CBLN2: variants seen among roughly 807,000 people sequenced by gnomAD.
The protein encoded by CBLN2 is cerebellin-2.
CBLN2 carries 7 observed loss-of-function variants against 15.0 expected under a neutral mutation model. That is an observed-to-expected ratio of 0.47 (90% CI 0.27 to 0.88). The LOEUF is 0.88. Ranked by LOEUF, CBLN2 falls within the 40% of genes least tolerant of loss-of-function variation. The probability of loss-of-function intolerance (pLI) is 0.14; values close to 1 mark genes in which losing one functional copy is unlikely to be tolerated. For missense variants in CBLN2, 242 were observed against 304.5 expected (o/e 0.79, Z 1.53); for synonymous variants, 149 against 135.2 (o/e 1.10, Z -0.71).
intron 1 of CBLN2, among the ~76,000 whole-genome samples, chr18:72,570,450 G>A (rs561365353): frequency 3.3e-4 from 48 of 144,808 alleles, no homozygotes; most frequent in Non-Finnish European, 4.8e-4. Context: ...GTTTCACCAC[G>A]TTGCCCAGGC....
At chr18:72,556,719 C>G (rs547737974) in intron 1 of CBLN2, among the ~76,000 whole-genome samples, 1 of 152,096 alleles carries the variant, frequency 6.6e-6, no homozygotes, top group African/African-American at 2.4e-5. Flanking sequence ...TTTAGCTTAT[C>G]TTGAAAAAAA....
upstream of CBLN2, chr18:72,544,419 C>T (rs1270317462): frequency 1.3e-5 from 2 of 152,182 alleles, no homozygotes; most frequent in Admixed American, 1.3e-4. Flanking sequence ...GGGAGACGCG[C>T]TGGGTTTCCC....
chr18:72,600,606 G>C (rs905367829), intron 1 of CBLN2, among the ~76,000 whole-genome samples: 24 of 152,156 alleles, frequency 1.6e-4, no homozygotes, highest in African/African-American at 5.1e-4. Flanking sequence ...AGGAAAAGGT[G>C]TAATTGCCTG....
At chr18:72,632,519 G>A (rs1052532493) in intron 1 of CBLN2, among the ~76,000 whole-genome samples, 1 of 152,114 alleles carries the variant, frequency 6.6e-6, no homozygotes, top group East Asian at 1.9e-4. Context: ...CCTTCATGCT[G>A]TGAACTTTGT....
rs1019234280 is a variant in CBLN2 at position 72,615,656 on chromosome 18, C to G, written c.15+22669G>C. ...ATTTGCTTTTAATAATACTGCAATA[C>G]AAGTTTCTCTTGCACAATATATATA... On this transcript the variant is annotated intron_variant, in intron 1 of 2. Coordinates refer to the CBLN2 transcript ENST00000581073. 2.0e-5 allele frequency among the ~76,000 whole-genome samples: 3 copies of G among 152,090 alleles called. No homozygotes were observed. In the East Asian group the frequency reaches 5.8e-4, roughly 29 times the overall value.
intron 3 of CBLN2, chr18:72,539,399 T>C (rs1367171876): frequency 6.6e-6 from 1 of 152,268 alleles, no homozygotes; most frequent in Non-Finnish European, 1.5e-5. Flanking sequence ...TGGTTGATGA[T>C]GGGTGGTGAA....
At chr18:72,626,812 C>A (rs545867471) in intron 1 of CBLN2, among the ~76,000 whole-genome samples, 6 of 152,336 alleles carry the variant, frequency 3.9e-5, no homozygotes, top group African/African-American at 1.4e-4. Context: ...CTAGCTCAGG[C>A]AGAAAGTCTT....
At chr18:72,626,453 A>G (rs2069740034) in intron 1 of CBLN2, among the ~76,000 whole-genome samples, 1 of 152,138 alleles carries the variant, frequency 6.6e-6, no homozygotes, top group African/African-American at 2.4e-5. Context: ...AAAGAAGTCC[A>G]CTTTGGGAAG....
chr18:72,595,488 T>C (rs2069507607), intron 1 of CBLN2, among the ~76,000 whole-genome samples: 1 of 152,150 alleles, frequency 6.6e-6, no homozygotes, highest in African/African-American at 2.4e-5. Context: ...GAAAAATGTG[T>C]ATTCTGCTGC....
At chr18:72,560,466 A>C (rs1465563364) in intron 1 of CBLN2, among the ~76,000 whole-genome samples, 1 of 55,882 alleles carries the variant, frequency 1.8e-5, no homozygotes, top group South Asian at 5.2e-4. Flanking sequence ...GTTTGAATTA[A>C]CTTGCTTTTG....
chr18:72,548,321 AC>A (rs746623336), upstream of CBLN2, among the ~76,000 whole-genome samples: 8 of 152,286 alleles, frequency 5.3e-5, no homozygotes, highest in Non-Finnish European at 8.8e-5. Context: ...ATCGAATAGG[AC>A]CTTTTTGTTG....
intron 1 of CBLN2, among the ~76,000 whole-genome samples, chr18:72,554,837 A>C (rs990809278): frequency 1.1e-4 from 17 of 152,136 alleles, no homozygotes; most frequent in Non-Finnish European, 1.5e-5. Context: ...TATTGATTAA[A>C]AAGAAAAAAA....
chr18:72,545,173 C>T (rs1356478284), upstream of CBLN2, among the ~76,000 whole-genome samples: 3 of 152,118 alleles, frequency 2.0e-5, no homozygotes, highest in South Asian at 2.1e-4. Context: ...GCCCTCTCAC[C>T]GCTATTCTCC....
chr18:72,608,114 G>T (rs1412801005), intron 1 of CBLN2, among the ~76,000 whole-genome samples: 1 of 152,032 alleles, frequency 6.6e-6, no homozygotes, highest in Admixed American at 6.6e-5. Context: ...AATTATATGT[G>T]GTGAATTTAT....
At chr18:72,562,331 AAAAGT>A (rs2069266947) in intron 1 of CBLN2, among the ~76,000 whole-genome samples, 1 of 152,346 alleles carries the variant, frequency 6.6e-6, no homozygotes, top group Admixed American at 6.5e-5. Flanking sequence ...ATATAGGAAG[AAAAGT>A]AAAACATTTA....
chr18:72,546,247 C>T (rs1361248418), upstream of CBLN2, among the ~76,000 whole-genome samples: 1 of 152,088 alleles, frequency 6.6e-6, no homozygotes, highest in Non-Finnish European at 1.5e-5. Context: ...ACCATCCTGG[C>T]TAACACGGTG....
chr18:72,618,909 CT>C, intron 1 of CBLN2: 2 of 730,802 alleles, frequency 2.7e-6, no homozygotes, highest in South Asian at 2.7e-5. Context: ...GGAATGACAA[CT>C]TTGGTCATGG....
intron 1 of CBLN2, among the ~76,000 whole-genome samples, chr18:72,613,071 CTT>C (rs1049827663): frequency 2.6e-5 from 4 of 152,172 alleles, no homozygotes; most frequent in African/African-American, 9.6e-5. Flanking sequence ...GCCTTCTTCT[CTT>C]TGTCTGTGTG....
chr18:72,538,965 C>G, intron 3 of CBLN2, 193 bp from the exon 4 acceptor site: 1 of 553,472 alleles, frequency 1.8e-6, no homozygotes. Context: ...AGGAAGTAAT[C>G]TCAAAGGTAT....
Sources: allele counts gnomAD v4.1 joint callset (sites outside exome capture counted in the v4.1 genomes callset), GRCh38; gene constraint gnomAD v4.1.1; transcripts MANE v1.5; gene names NCBI Gene and HGNC (gene_info 2026-07-23, HGNC 2026-07-21).